Variants in HMMR observed in about 807,000 individuals in gnomAD.
HMMR encodes the protein intracellular hyaluronic acid-binding protein.
A neutral mutation model predicts 101.0 loss-of-function variants in HMMR; 108 were observed. The observed-to-expected ratio is 1.07, with a 90% CI of 0.92 to 1.25. The LOEUF (loss-of-function observed/expected upper bound fraction) is 1.25. Ranked by LOEUF, HMMR falls within the 50% of genes most tolerant of loss-of-function variation. The probability of loss-of-function intolerance (pLI) is 0.00; values close to 1 mark genes in which losing one functional copy is unlikely to be tolerated. For synonymous variants in HMMR, 296 were observed against 276.4 expected (o/e 1.07, Z -0.70); for missense variants, 813 against 788.7 (o/e 1.03, Z -0.37).
At chr5:163,472,851 A>G (rs910689837) in intron 7 of HMMR, among the ~76,000 whole-genome samples, 2 of 152,188 alleles carry the variant, frequency 1.3e-5, no homozygotes, top group Non-Finnish European at 2.9e-5. Context: ...GGCACACAAA[A>G]TGCTATTTAG....
intron 11 of HMMR, among the ~76,000 whole-genome samples, chr5:163,478,061 C>T (rs1759126107): frequency 6.6e-6 from 1 of 152,064 alleles, no homozygotes; most frequent in South Asian, 2.1e-4. Context: ...CTCATAAGCT[C>T]ATATGCATAT....
At chr5:163,474,553 C>G (rs936577176) in intron 10 of HMMR, 17 of 457,108 alleles carry the variant, frequency 3.7e-5, no homozygotes, top group South Asian at 4.7e-5. Flanking sequence ...TTTTAAAATC[C>G]AGATTATTTA....
intron 1 of HMMR, among the ~76,000 whole-genome samples, chr5:163,461,216 CAT>C (rs200699232): frequency 0.017 from 2,597 of 152,274 alleles, 26 homozygotes; most frequent in Non-Finnish European, 0.026. Context: ...TTATTGAAAA[CAT>C]AAACAATGAA....
chr5:163,490,630 T>TTTA, intron 17 of HMMR, 78 bp downstream of exon 17: 1 of 1,107,938 alleles, frequency 9.0e-7, no homozygotes, highest in South Asian at 1.4e-5. Flanking sequence ...TCATCCATTT[T>TTTA]ATGAACTGTG....
intron 2 of HMMR, among the ~76,000 whole-genome samples, chr5:163,464,243 T>A (rs1758629183): frequency 6.6e-6 from 1 of 152,176 alleles, no homozygotes; most frequent in African/African-American, 2.4e-5. Flanking sequence ...AGGTGTTAGA[T>A]GTGTAAAAAA....
At chr5:163,473,945 C>T in intron 9 of HMMR, 112 bp from the exon 10 acceptor site, 1 of 836,986 alleles carries the variant, frequency 1.2e-6, no homozygotes, top group Non-Finnish European at 1.9e-6. Flanking sequence ...TTGTTTTCTT[C>T]TTTGGAAATA....
chr5:163,462,458 A>G lies in HMMR; in HGVS notation c.47-1398A>G, dbSNP rs141359386. ...ATACATACGAAAGAAAAGTTTCACA[A>G]AACAATGCCTAACTTTGCAGCATAT... On this transcript the variant is annotated intron_variant, in intron 1 of 17. Transcript: ENST00000393915. Among the ~76,000 whole-genome samples, 1,307 of 152,242 alleles carry G rather than the reference A, an allele frequency of 8.6e-3. 17 individuals are homozygous for G. The highest frequency in any genetic ancestry group is 0.029 in the African/African-American group (1,185 of 41,556).
rs1007744938 is a variant in HMMR, at chr5:163,482,037, T to A, written c.1386-605T>A. ...TTCAAGTGATTCTCCTGCCTCAGCC[T>A]CCCGAGTAGCTGAGATTACAGGTGT... On this transcript the variant is annotated intron_variant, in intron 12 of 17. Transcript: ENST00000393915. Among the ~76,000 whole-genome samples, 6 of 152,214 alleles carry A rather than the reference T, an allele frequency of 3.9e-5. No homozygotes were observed. The East Asian group carries it at 1.2e-3, about 29-fold the overall frequency.
In HMMR at chr5:163,484,719, C is replaced by A. The variant is rs1399250566; in HGVS notation, c.1962+474C>A. On this transcript the variant is annotated intron_variant, in intron 16 of 17. Coordinates refer to ENST00000393915, the MANE Select transcript of HMMR (RefSeq NM_001142556.2). ...AGTCAATTTTAGGACATTTTCATCA[C>A]CTCAAAATGAAACCTTGTTATCCTT... Among the ~76,000 whole-genome samples the A allele has an allele frequency of 3.3e-5, 5 of 152,124 alleles. No homozygotes were observed. The East Asian group carries it at 9.6e-4, about 29-fold the overall frequency.
intron 16 of HMMR, 37 bp downstream of exon 16, chr5:163,484,282 G>A: frequency 9.1e-7 from 1 of 1,098,886 alleles, no homozygotes. Context: ...TAAAGATATT[G>A]GAGTGGGGGT....
intron 12 of HMMR, among the ~76,000 whole-genome samples, chr5:163,479,707 T>TTC (rs1398174460): frequency 2.0e-5 from 3 of 152,118 alleles, no homozygotes; most frequent in African/African-American, 7.2e-5. Context: ...TTTTAAATAC[T>TTC]TCTCTGACCC....
intron 1 of HMMR, among the ~76,000 whole-genome samples, chr5:163,461,740 G>C (rs1758542084): frequency 6.6e-6 from 1 of 151,808 alleles, no homozygotes. Context: ...CCGAGATCGC[G>C]CCACTGCACT....
Position 163,471,203 on chromosome 5 carries a change from C to T in HMMR, c.481C>T (p.Gln161Ter). ...LKSKFSENGN[Q>*]KNLRILSLEL... The stretch of plus-strand genomic sequence containing the variant: ...TATTTAGTTTTCTGAAAATGGTAAC[C>T]AGAAGAATTTGAGAATTCTAAGCTT... Residue 161 changes from glutamine (Q) to a stop codon, truncating the protein, a stop_gained, in exon 6 of 18, where the codon CAG becomes TAG. Coordinates refer to ENST00000393915, the MANE Select transcript of HMMR (RefSeq NM_001142556.2). LOFTEE classifies it high-confidence loss of function. 1 of 1,606,804 alleles carries T rather than the reference C, an allele frequency of 6.2e-7. No homozygotes were observed. The highest frequency in any genetic ancestry group is 8.5e-7 in the Non-Finnish European group (1 of 1,173,836).
chr5:163,465,047 A>C, intron 3 of HMMR: 2 of 435,188 alleles, frequency 4.6e-6, no homozygotes, highest in Non-Finnish European at 8.1e-6. Flanking sequence ...CTATGTTTAA[A>C]TTGTTCATTA....
At position 163,469,809 on chromosome 5, in the gene HMMR, A is replaced by G; in HGVS notation, c.442A>G (p.Asn148Asp). 1 of 1,596,388 alleles carries G rather than the reference A, an allele frequency of 6.3e-7. No individual in the cohort carries two copies. The highest frequency in any genetic ancestry group is 8.6e-7 in the Non-Finnish European group (1 of 1,167,684). ...EKQLIELTRT[N>D]ELLKSKFSEN... The stretch of plus-strand genomic sequence containing the variant: ...ACAACTTATTGAATTGACCAGGACT[A>G]ATGAACTACTAAAATCTAAGGTATC... The change falls in exon 5 of 18, where the codon AAT (asparagine) becomes GAT (aspartate). Residue 148 changes from asparagine to aspartate, a missense_variant. Asn to Asp is a conservative substitution (Grantham distance 23). Coordinates refer to ENST00000393915, the MANE Select transcript of HMMR (RefSeq NM_001142556.2).
At position 163,463,624 on chromosome 5, in the gene HMMR, C is replaced by T. The variant is rs1008172976; in HGVS notation, c.47-232C>T. Among the ~76,000 whole-genome samples the T allele has an allele frequency of 3.3e-5, 5 of 152,274 alleles. 1 individual carries two copies. In the Middle Eastern group the frequency reaches 0.014, roughly 414 times the overall value. On this transcript the variant is annotated intron_variant, in intron 1 of 17. Coordinates refer to ENST00000393915, the MANE Select transcript of HMMR (RefSeq NM_001142556.2). ...TATATGATGTTCATCTCAAAACTGT[C>T]GTTTGCTCAGTTGCCTGTGTTCCTT...
chr5:163,474,521 A>T (rs1456847757), intron 10 of HMMR: 5 of 464,674 alleles, frequency 1.1e-5, no homozygotes. Flanking sequence ...AGACTGTCTA[A>T]TTACAGAAGA....
At position 163,463,880 on chromosome 5, in the gene HMMR, A is replaced by T; in HGVS notation, c.71A>T (p.Tyr24Phe). The change falls in exon 2 of 18, where the codon TAT (tyrosine) becomes TTT (phenylalanine). Residue 24 changes from tyrosine (Y) to phenylalanine (F), a missense_variant. Physicochemically the swap from Tyr to Phe is conservative, Grantham distance 22. Transcript: ENST00000393915. Reference protein sequence around the residue: ...PSGCAPSPGAYDVKTLEVLKG... With the variant: ...PSGCAPSPGAFDVKTLEVLKG... ...GGTTGTGCACCATCTCCAGGTGCTT[A>T]TGATGTTAAAACTTTAGAAGTATTG... The T allele has an allele frequency of 6.7e-7, 1 of 1,482,962 alleles. No individual in the cohort carries two copies. The highest frequency in any genetic ancestry group is 1.4e-5 in the South Asian group (1 of 72,296). 91.9% of individuals were successfully genotyped at this position (1,482,962 alleles called of 1,614,324 possible).
At chr5:163,491,007 C>CT (rs1561650134) in intron 17 of HMMR, 105 bp from the exon 18 acceptor site, 1 of 563,440 alleles carries the variant, frequency 1.8e-6, no homozygotes, top group Non-Finnish European at 3.1e-6. Flanking sequence ...GAATATATTG[C>CT]TTCATCTGCC....
Sources: allele counts gnomAD v4.1 joint callset (sites outside exome capture counted in the v4.1 genomes callset), GRCh38; gene constraint gnomAD v4.1.1; transcripts MANE v1.5; gene names NCBI Gene and HGNC (gene_info 2026-07-23, HGNC 2026-07-21).